Variants in HS3ST2 observed in about 807,000 individuals in gnomAD.
The protein encoded by HS3ST2 is heparan sulfate glucosamine 3-O-sulfotransferase 2.
Under a neutral mutation model 26.3 loss-of-function variants are expected in HS3ST2, and 17 were observed. That is an observed-to-expected ratio of 0.65 (90% CI 0.44 to 0.97). The LOEUF is 0.97. HS3ST2 is among the 50% of genes least tolerant of loss of function. The pLI is 0.00. For synonymous variants in HS3ST2, 237 were observed against 219.2 expected, an observed-to-expected ratio of 1.08 and a Z score of -0.72; for missense variants, 402 against 501.2, an observed-to-expected ratio of 0.80 and a Z score of 1.89.
intron 1 of HS3ST2, among the ~76,000 whole-genome samples, chr16:22,883,080 T>G (rs1243739762): frequency 1.3e-5 from 2 of 151,806 alleles, no homozygotes; most frequent in Non-Finnish European, 2.9e-5. Flanking sequence ...TCCTGCTATC[T>G]GTATACTCCA....
chr16:22,866,409 G>A (rs1901753648), intron 1 of HS3ST2, among the ~76,000 whole-genome samples: 1 of 138,396 alleles, frequency 7.2e-6, no homozygotes. Context: ...TGTGTGTGTT[G>A]GGGCAGAGGA....
At chr16:22,890,790 C>G (rs1902116713) in intron 1 of HS3ST2, among the ~76,000 whole-genome samples, 1 of 152,194 alleles carries the variant, frequency 6.6e-6, no homozygotes, top group African/African-American at 2.4e-5. Flanking sequence ...GGTTTAACCA[C>G]CAAACTCTTG....
intron 1 of HS3ST2, among the ~76,000 whole-genome samples, chr16:22,849,610 A>G (rs1260444715): frequency 1.3e-5 from 2 of 152,170 alleles, no homozygotes. Context: ...CCCAGTTGAG[A>G]GACACTTCAT....
chr16:22,894,675 G>A (rs1902181444), intron 1 of HS3ST2, among the ~76,000 whole-genome samples: 1 of 151,776 alleles, frequency 6.6e-6, no homozygotes, highest in African/African-American at 2.4e-5. Flanking sequence ...AAGGTGGGCG[G>A]ATCACTTGAG....
intron 1 of HS3ST2, among the ~76,000 whole-genome samples, chr16:22,864,344 G>A (rs1901718957): frequency 6.6e-6 from 1 of 152,196 alleles, no homozygotes; most frequent in Non-Finnish European, 1.5e-5. Flanking sequence ...GATATTTCAT[G>A]GAACCAAACA....
At chr16:22,904,665 A>G (rs1163927650) in intron 1 of HS3ST2, among the ~76,000 whole-genome samples, 3 of 152,190 alleles carry the variant, frequency 2.0e-5, no homozygotes, top group Admixed American at 6.5e-5. Context: ...CATGAAAAAT[A>G]CAGTTTTTGG....
chr16:22,901,136 G>A (rs1359585829), intron 1 of HS3ST2, among the ~76,000 whole-genome samples: 5 of 152,188 alleles, frequency 3.3e-5, no homozygotes, highest in Admixed American at 2.6e-4. Flanking sequence ...GCATTACCAT[G>A]ATCCACACAT....
At chr16:22,822,789 G>A (rs1042445468) in intron 1 of HS3ST2, among the ~76,000 whole-genome samples, 8 of 151,712 alleles carry the variant, frequency 5.3e-5, no homozygotes, top group South Asian at 2.1e-4. Context: ...TGGGAGGCAG[G>A]GGTTGCAGTG....
intron 1 of HS3ST2, among the ~76,000 whole-genome samples, chr16:22,885,960 CT>C (rs1271609719): frequency 6.6e-6 from 1 of 152,146 alleles, no homozygotes; most frequent in Non-Finnish European, 1.5e-5. Flanking sequence ...AGAAATCAGC[CT>C]TTCTTTCCTG....
At chr16:22,892,962 T>C (rs528561724) in intron 1 of HS3ST2, among the ~76,000 whole-genome samples, 10 of 152,342 alleles carry the variant, frequency 6.6e-5, no homozygotes, top group Admixed American at 5.9e-4. Context: ...TTGAGAAGAA[T>C]TGATGTCTGT....
intron 1 of HS3ST2, among the ~76,000 whole-genome samples, chr16:22,887,084 A>T (rs1902070990): frequency 6.6e-6 from 1 of 152,138 alleles, no homozygotes; most frequent in Admixed American, 6.5e-5. Context: ...GTCACAATTC[A>T]TCAGAGTCCC....
intron 1 of HS3ST2, among the ~76,000 whole-genome samples, chr16:22,887,827 C>T (rs1902082000): frequency 6.6e-6 from 1 of 151,210 alleles, no homozygotes; most frequent in South Asian, 2.1e-4. Context: ...TATGTGCATA[C>T]AGTCCCAGCT....
At chr16:22,882,027 T>G (rs1482211115) in intron 1 of HS3ST2, among the ~76,000 whole-genome samples, 1 of 152,204 alleles carries the variant, frequency 6.6e-6, no homozygotes, top group Non-Finnish European at 1.5e-5. Context: ...AACTGAGAAA[T>G]TTTGCATGAA....
Position 22,843,993 on chromosome 16 carries a change from T to C in HS3ST2, c.485+28898T>C, listed in dbSNP as rs557783638. On this transcript the variant is annotated intron_variant, in intron 1 of 1. Coordinates refer to ENST00000261374, the MANE Select transcript of HS3ST2 (RefSeq NM_006043.2). ...GGATATGGGAGTTATGAACTGGGAA[T>C]TGTGGATGAAAACCTACACACACAC... Among the ~76,000 whole-genome samples, 16 of 147,134 alleles carry C rather than the reference T, an allele frequency of 1.1e-4. No individual in the cohort carries two copies. The East Asian group carries it at 3.2e-3, about 29-fold the overall frequency.
At chr16:22,904,254 C>CT (rs973351448) in intron 1 of HS3ST2, among the ~76,000 whole-genome samples, 1 of 152,170 alleles carries the variant, frequency 6.6e-6, no homozygotes, top group African/African-American at 2.4e-5. Context: ...ACTGTTAACT[C>CT]TTTGAGGAAA....
Position 22,814,941 on chromosome 16 carries a change from A to T in HS3ST2, c.331A>T (p.Thr111Ser). 6.2e-7 allele frequency: 1 copy of T among 1,609,916 alleles called. No homozygotes were observed. Among genetic ancestry groups the T allele is most frequent in the Non-Finnish European group, 8.5e-7 (1 of 1,178,684 alleles). Reference protein sequence around the residue: ...SNHSGSPKLGTKRLPQALIVG... With the variant: ...SNHSGSPKLGSKRLPQALIVG... ...CCACTCCGGCTCACCCAAGCTGGGT[A>T]CCAAGCGGTTGCCCCAAGCCCTCAT... Residue 111 changes from threonine to serine, a missense_variant, in exon 1 of 2, where the codon ACC (threonine) becomes TCC (serine). This residue lies in a region of HS3ST2 where 237 missense variants were observed against 346.6 expected (regional missense o/e 0.68). Coordinates refer to ENST00000261374, the MANE Select transcript of HS3ST2 (RefSeq NM_006043.2).
At chr16:22,876,494 A>C (rs549968602) in intron 1 of HS3ST2, among the ~76,000 whole-genome samples, 1 of 152,326 alleles carries the variant, frequency 6.6e-6, no homozygotes, top group East Asian at 1.9e-4. Flanking sequence ...ATTAAAACAT[A>C]ATAGATGTTG....
At chr16:22,903,208 G>A (rs1902303548) in intron 1 of HS3ST2, among the ~76,000 whole-genome samples, 2 of 152,120 alleles carry the variant, frequency 1.3e-5, no homozygotes, top group Non-Finnish European at 2.9e-5. Context: ...AACTGGCTGT[G>A]TTGCTTTGCT....
intron 1 of HS3ST2, among the ~76,000 whole-genome samples, chr16:22,839,001 A>G (rs572051493): frequency 3.3e-5 from 5 of 152,218 alleles, no homozygotes; most frequent in Admixed American, 1.3e-4. Flanking sequence ...TGTTTCCCCA[A>G]TCTGTGAATG....
Sources: allele counts gnomAD v4.1 joint callset (sites outside exome capture counted in the v4.1 genomes callset), GRCh38; gene constraint gnomAD v4.1.1; regional missense constraint gnomAD v4.1.1; transcripts MANE v1.5; gene names NCBI Gene and HGNC (gene_info 2026-07-23, HGNC 2026-07-21).